The following CRPPA variants were observed in gnomAD, a reference collection of about 807,000 sequenced individuals.
CRPPA encodes CDP-L-ribitol pyrophosphorylase A, also known as D-ribitol-5-phosphate cytidylyltransferase.
In CRPPA, 43 loss-of-function variants were observed where a neutral mutation model predicts 52.0. The ratio of observed to expected loss-of-function variants is 0.83; its 90% CI spans 0.65 to 1.07. The LOEUF (loss-of-function observed/expected upper bound fraction) is 1.07. CRPPA is among the 50% of genes least tolerant of loss of function. The pLI is 0.00. For synonymous variants in CRPPA, 250 were observed against 203.5 expected, an observed-to-expected ratio of 1.23 and a Z score of -1.94; for missense variants, 629 against 551.7, an observed-to-expected ratio of 1.14 and a Z score of -1.40.
At chr7:16,218,103 C>A (rs1782382461) in intron 8 of CRPPA, among the ~76,000 whole-genome samples, 2 of 152,268 alleles carry the variant, frequency 1.3e-5, no homozygotes, top group East Asian at 1.9e-4. Context: ...TCCGCAGAAA[C>A]CCTACAAGCC....
intron 8 of CRPPA, among the ~76,000 whole-genome samples, chr7:16,237,841 AC>A: frequency 6.6e-6 from 1 of 152,080 alleles, no homozygotes; most frequent in East Asian, 1.9e-4. Flanking sequence ...TCTAATTCCA[AC>A]CACTCTATGT....
intron 9 of CRPPA, among the ~76,000 whole-genome samples, chr7:16,170,468 G>A (rs1275959590): frequency 3.3e-5 from 5 of 152,232 alleles, no homozygotes; most frequent in Non-Finnish European, 7.3e-5. Flanking sequence ...GACTTCAGGA[G>A]TGAAGCTGCA....
At chr7:16,156,773 A>T (rs1041630335) in intron 9 of CRPPA, among the ~76,000 whole-genome samples, 1 of 152,216 alleles carries the variant, frequency 6.6e-6, no homozygotes, top group African/African-American at 2.4e-5. Context: ...TGGGGGTCCC[A>T]TAACCCTAAG....
intron 3 of CRPPA, among the ~76,000 whole-genome samples, chr7:16,351,670 C>G (rs1048769198): frequency 3.3e-5 from 5 of 152,142 alleles, no homozygotes; most frequent in African/African-American, 1.2e-4. Flanking sequence ...AAAAGCTCAT[C>G]ATCACTGGTC....
chr7:16,138,556 C>T (rs1003099398), intron 9 of CRPPA, among the ~76,000 whole-genome samples: 1 of 152,020 alleles, frequency 6.6e-6, no homozygotes, highest in African/African-American at 2.4e-5. Context: ...TAGAAGTGAG[C>T]TTGTTGTAAC....
At chr7:16,148,899 A>G (rs1047665087) in intron 9 of CRPPA, among the ~76,000 whole-genome samples, 1 of 152,204 alleles carries the variant, frequency 6.6e-6, no homozygotes, top group African/African-American at 2.4e-5. Flanking sequence ...TACACATTCT[A>G]TATGTGTACC....
intron 6 of CRPPA, among the ~76,000 whole-genome samples, chr7:16,263,771 A>C (rs1361496407): frequency 6.6e-6 from 1 of 152,110 alleles, no homozygotes; most frequent in Non-Finnish European, 1.5e-5. Context: ...AAAAAAAAGA[A>C]TGTACAATAT....
chr7:16,131,241 A>G (rs1782675119), intron 9 of CRPPA, among the ~76,000 whole-genome samples: 1 of 152,204 alleles, frequency 6.6e-6, no homozygotes, highest in Non-Finnish European at 1.5e-5. Context: ...CATACAAGAA[A>G]AAGCATACAT....
chr7:16,402,275 A>G (rs892380517), intron 2 of CRPPA, among the ~76,000 whole-genome samples: 1 of 152,206 alleles, frequency 6.6e-6, no homozygotes, highest in African/African-American at 2.4e-5. Flanking sequence ...TTCATTTAAC[A>G]TTACCACAGA....
chr7:16,413,269 C>T (rs1035452996), intron 1 of CRPPA, among the ~76,000 whole-genome samples: 7 of 152,170 alleles, frequency 4.6e-5, no homozygotes, highest in African/African-American at 7.2e-5. Context: ...TGAAGGCTCC[C>T]GGTTGTCAGG....
At chr7:16,226,482 C>T (rs1483541176) in intron 8 of CRPPA, among the ~76,000 whole-genome samples, 1 of 151,614 alleles carries the variant, frequency 6.6e-6, no homozygotes, top group African/African-American at 2.4e-5. Context: ...AGAGCAGACC[C>T]AATTCAATGG....
chr7:16,377,700 C>T (rs1786932610), intron 2 of CRPPA, among the ~76,000 whole-genome samples: 1 of 152,186 alleles, frequency 6.6e-6, no homozygotes, highest in African/African-American at 2.4e-5. Flanking sequence ...TTCTTCTATA[C>T]TCCAGCCAGC....
At chr7:16,409,609 C>A (rs78580863) in intron 1 of CRPPA, among the ~76,000 whole-genome samples, 5,666 of 152,238 alleles carry the variant, frequency 0.037, 186 homozygotes, top group African/African-American at 0.094. Flanking sequence ...CAAAATAATA[C>A]AAGTATCACA....
chr7:16,240,409 T>G (rs1386665169), intron 8 of CRPPA, among the ~76,000 whole-genome samples: 1 of 151,934 alleles, frequency 6.6e-6, no homozygotes, highest in Non-Finnish European at 1.5e-5. Flanking sequence ...TTAATATCTC[T>G]TAAGTGCCAA....
At position 16,335,731 on chromosome 7, in the gene CRPPA, A is replaced by G. The variant is rs560849811; in HGVS notation, c.685-27104T>C. ...GCATATTTAAAGAAACAATGGTTGA[A>G]AATTCCCAAATCTGGGGAAAGACAA... On this transcript the variant is annotated intron_variant, in intron 3 of 9. Transcript: ENST00000407010. Among the ~76,000 whole-genome samples the G allele has an allele frequency of 4.6e-5, 7 of 152,338 alleles. No individual in the cohort carries two copies. In the East Asian group the frequency reaches 1.4e-3, roughly 29 times the overall value.
intron 9 of CRPPA, among the ~76,000 whole-genome samples, chr7:16,111,502 A>C (rs1782263848): frequency 6.6e-6 from 1 of 152,252 alleles, no homozygotes; most frequent in Non-Finnish European, 1.5e-5. Context: ...TATTCACAAT[A>C]GCCAAGTTAT....
chr7:16,148,789 G>A (rs1390856929), intron 9 of CRPPA, among the ~76,000 whole-genome samples: 1 of 152,058 alleles, frequency 6.6e-6, no homozygotes, highest in East Asian at 1.9e-4. Flanking sequence ...TATAATTTTT[G>A]CATATATTTA....
chr7:16,186,272 T>A (rs1781503126), intron 9 of CRPPA, among the ~76,000 whole-genome samples: 1 of 152,204 alleles, frequency 6.6e-6, no homozygotes. Context: ...GAGATGGGTC[T>A]TTTGGAAGGT....
chr7:16,203,311 C>T (rs1562554598), intron 9 of CRPPA, among the ~76,000 whole-genome samples: 1 of 152,082 alleles, frequency 6.6e-6, no homozygotes, highest in Non-Finnish European at 1.5e-5. Context: ...TATTCTCGTT[C>T]ATGAAGTTTG....
Sources: gnomAD v4.1 joint callset for allele counts (sites outside exome capture counted in the v4.1 genomes callset) on GRCh38, gnomAD v4.1.1 for gene constraint, MANE v1.5 for transcripts, NCBI Gene and HGNC (gene_info 2026-07-23, HGNC 2026-07-21) for gene names.